Variants in NRXN1 observed in about 807,000 individuals in gnomAD.
NRXN1 encodes the protein neurexin 1, also known as neurexin-1.
A neutral mutation model predicts 150.9 loss-of-function variants in NRXN1; 39 were observed. The observed-to-expected ratio is 0.26, with a 90% CI of 0.20 to 0.34. The LOEUF (loss-of-function observed/expected upper bound fraction) is 0.34, where lower values mean the gene tolerates loss of function less well. Among genes scored for constraint, NRXN1 ranks in the 10% least tolerant of loss-of-function variants. NRXN1 has a pLI of 1.00. For synonymous variants in NRXN1, 924 were observed against 757.0 expected, an observed-to-expected ratio of 1.22 and a Z score of -3.62; for missense variants, 1,815 against 1,949.9, an observed-to-expected ratio of 0.93 and a Z score of 1.30.
In NRXN1 at chr2:50,051,064, C is replaced by G. The variant is rs570312308; in HGVS notation, c.4128+2207G>C. On this transcript the variant is annotated intron_variant, in intron 21 of 22. Coordinates refer to ENST00000401669, the MANE Select transcript of NRXN1 (RefSeq NM_001330078.2). ...CACTAATTAATTAGATCATTTACAT[C>G]TATAAACTGCTGCTGTCTTCAAACA... 2.6e-5 allele frequency among the ~76,000 whole-genome samples: 4 copies of G among 152,052 alleles called. No individual in the cohort carries two copies. In the South Asian group the frequency reaches 8.3e-4, roughly 32 times the overall value.
intron 5 of NRXN1, among the ~76,000 whole-genome samples, chr2:50,830,703 T>C (rs1446276140): frequency 1.3e-5 from 2 of 149,906 alleles, no homozygotes; most frequent in Non-Finnish European, 2.9e-5. Flanking sequence ...GGTCCATTTA[T>C]AATACATCTC....
chr2:50,696,983 T>A (rs1692991057), intron 5 of NRXN1, among the ~76,000 whole-genome samples: 1 of 152,110 alleles, frequency 6.6e-6, no homozygotes, highest in Non-Finnish European at 1.5e-5. Context: ...GTTGCTTTTG[T>A]CTCATTGAGA....
intron 5 of NRXN1, among the ~76,000 whole-genome samples, chr2:50,817,031 A>T (rs1006803918): frequency 4.6e-5 from 7 of 152,108 alleles, no homozygotes; most frequent in African/African-American, 7.2e-5. Context: ...TGTCTAAAGA[A>T]AAAGGGTCAT....
chr2:51,023,801 T>G (rs1003526457), intron 2 of NRXN1, among the ~76,000 whole-genome samples: 5 of 152,070 alleles, frequency 3.3e-5, no homozygotes, highest in Non-Finnish European at 7.4e-5. Context: ...AATGAATGAG[T>G]GAATGTGGTT....
intron 5 of NRXN1, among the ~76,000 whole-genome samples, chr2:50,761,045 T>C (rs1196032158): frequency 6.6e-6 from 1 of 152,018 alleles, no homozygotes; most frequent in Non-Finnish European, 1.5e-5. Context: ...GCAGGCCTAA[T>C]TCTGTCAAGC....
At chr2:50,341,230 A>G (rs2077527633) in intron 17 of NRXN1, among the ~76,000 whole-genome samples, 1 of 152,166 alleles carries the variant, frequency 6.6e-6, no homozygotes, top group Admixed American at 6.5e-5. Flanking sequence ...TGAAAGGAAT[A>G]TACTCCTCAA....
intron 17 of NRXN1, among the ~76,000 whole-genome samples, chr2:50,388,880 G>A (rs543060418): frequency 1.3e-5 from 2 of 152,052 alleles, no homozygotes; most frequent in Admixed American, 6.6e-5. Context: ...AAAAAATATT[G>A]TTACTTTGAG....
chr2:50,789,151 T>G (rs1015612115), intron 5 of NRXN1, among the ~76,000 whole-genome samples: 1 of 152,230 alleles, frequency 6.6e-6, no homozygotes, highest in African/African-American at 2.4e-5. Context: ...GTATACATTT[T>G]CATATTTCTA....
intron 17 of NRXN1, among the ~76,000 whole-genome samples, chr2:50,433,912 C>T (rs2085192178): frequency 6.6e-6 from 1 of 152,058 alleles, no homozygotes; most frequent in Admixed American, 6.6e-5. Context: ...AAAACTCCTG[C>T]TAATTGAAGT....
At chr2:50,691,252 T>C (rs1243934723) in intron 5 of NRXN1, among the ~76,000 whole-genome samples, 3 of 152,088 alleles carry the variant, frequency 2.0e-5, no homozygotes, top group Admixed American at 6.6e-5. Context: ...GTATCTGACA[T>C]GGGGAAAGAA....
intron 18 of NRXN1, among the ~76,000 whole-genome samples, chr2:50,137,688 C>T (rs761688716): frequency 3.3e-5 from 5 of 152,072 alleles, no homozygotes; most frequent in Non-Finnish European, 7.4e-5. Flanking sequence ...CAAAAAATAG[C>T]CTGCCTGCCG....
intron 8 of NRXN1, among the ~76,000 whole-genome samples, chr2:50,581,979 C>G (rs917245504): frequency 6.6e-6 from 1 of 152,042 alleles, no homozygotes; most frequent in Non-Finnish European, 1.5e-5. Flanking sequence ...ATATTTCACT[C>G]TAGTACATCA....
rs187461591 is a variant in NRXN1, at chr2:50,202,266, G to A, written c.3546+34523C>T. ...TCACGCCTGTAATCCCGCCACTTTT[G>A]GAGGCAGAGGCAGGAGGATCACAAG... On this transcript the variant is annotated intron_variant, in intron 18 of 22. Coordinates refer to ENST00000401669, the MANE Select transcript of NRXN1 (RefSeq NM_001330078.2). Among the ~76,000 whole-genome samples, 3 of 152,312 alleles carry A rather than the reference G, an allele frequency of 2.0e-5. No individual in the cohort carries two copies. In the East Asian group the frequency reaches 5.8e-4, roughly 29 times the overall value.
At chr2:50,572,503 G>A (rs992430286) in intron 8 of NRXN1, among the ~76,000 whole-genome samples, 3 of 152,006 alleles carry the variant, frequency 2.0e-5, no homozygotes, top group Admixed American at 6.6e-5. Flanking sequence ...AACAATAATA[G>A]CCATCACTGA....
At chr2:50,680,117 C>G (rs1249487785) in intron 5 of NRXN1, among the ~76,000 whole-genome samples, 1 of 151,992 alleles carries the variant, frequency 6.6e-6, no homozygotes, top group Non-Finnish European at 1.5e-5. Flanking sequence ...CCTCTGCACT[C>G]TAGCCTGGGC....
At chr2:50,674,269 A>G (rs561499116) in intron 5 of NRXN1, among the ~76,000 whole-genome samples, 5 of 152,244 alleles carry the variant, frequency 3.3e-5, no homozygotes, top group African/African-American at 1.2e-4. Flanking sequence ...GAGCCTAAAT[A>G]AGGGCATAAG....
intron 9 of NRXN1, among the ~76,000 whole-genome samples, chr2:50,548,764 T>A (rs949790520): frequency 2.0e-5 from 3 of 151,410 alleles, no homozygotes; most frequent in South Asian, 4.2e-4. Flanking sequence ...CCACCAAATA[T>A]GATTTTAACC....
intron 18 of NRXN1, among the ~76,000 whole-genome samples, chr2:50,217,332 C>T (rs2063470885): frequency 6.6e-6 from 1 of 152,026 alleles, no homozygotes; most frequent in Non-Finnish European, 1.5e-5. Context: ...GGATGTTCAA[C>T]ATGCATATCA....
intron 17 of NRXN1, among the ~76,000 whole-genome samples, chr2:50,301,963 C>T (rs898747917): frequency 2.6e-5 from 4 of 152,108 alleles, no homozygotes; most frequent in African/African-American, 7.2e-5. Flanking sequence ...CTTCCCTTAA[C>T]TAATAGGCCT....
Sources: gnomAD v4.1 joint callset for allele counts (sites outside exome capture counted in the v4.1 genomes callset) on GRCh38, gnomAD v4.1.1 for gene constraint, MANE v1.5 for transcripts, NCBI Gene and HGNC (gene_info 2026-07-23, HGNC 2026-07-21) for gene names.